DCAF5: variants seen among roughly 807,000 people sequenced by gnomAD.
DCAF5 encodes the protein DDB1 and CUL4 associated factor 5, also known as DDB1- and CUL4-associated factor 5.
A neutral mutation model predicts 80.7 loss-of-function variants in DCAF5; 9 were observed. The observed-to-expected ratio is 0.11, with a 90% confidence interval of 0.07 to 0.19. The LOEUF is 0.19. Among genes scored for constraint, DCAF5 ranks in the 10% least tolerant of loss-of-function variants. The pLI is 1.00. For synonymous variants in DCAF5, 433 were observed against 461.9 expected, an observed-to-expected ratio of 0.94 and a Z score of 0.80; for missense variants, 842 against 1,205.7, an observed-to-expected ratio of 0.70 and a Z score of 4.47.
intron 5 of DCAF5, among the ~76,000 whole-genome samples, chr14:69,110,356 A>G (rs1595016470): frequency 7.3e-6 from 1 of 137,494 alleles, no homozygotes. Context: ...TGCAACCTCC[A>G]CCTCCTGGGT....
chr14:69,124,888 C>T (rs2040829773), intron 1 of DCAF5, among the ~76,000 whole-genome samples: 3 of 152,034 alleles, frequency 2.0e-5, no homozygotes, highest in Admixed American at 2.0e-4. Context: ...ATAAGTATTT[C>T]TCTATACTTA....
Position 69,054,040 on chromosome 14 carries a change from A to G in DCAF5, c.2646T>C (p.Asp882=). ...CACAGGCCATTTCAGACCCGCAACA[A>G]TCTTTGTGTAGGAGTGTCCCTGTCA... is the stretch of plus-strand genomic sequence containing the variant. ...SSLTGTLLHK[D]CCGSEMACET... is the part of the protein sequence containing the mutation. The change falls in exon 9 of 9, where the codon GAT becomes GAC. Residue 882 remains aspartate, a synonymous_variant. Transcript: ENST00000341516. 2.5e-6 allele frequency: 4 copies of G among 1,613,102 alleles called. No homozygotes were observed. Among genetic ancestry groups the G allele is most frequent in the Non-Finnish European group, 3.4e-6 (4 of 1,179,144 alleles).
chr14:69,130,000 C>T (rs761376353), intron 1 of DCAF5, among the ~76,000 whole-genome samples: 24 of 152,224 alleles, frequency 1.6e-4, no homozygotes, highest in Non-Finnish European at 3.4e-4. Flanking sequence ...CACATTGTGG[C>T]AGCAGCTTTG....
At chr14:69,106,652 G>GT (rs2040170497) in intron 5 of DCAF5, among the ~76,000 whole-genome samples, 1 of 152,104 alleles carries the variant, frequency 6.6e-6, no homozygotes, top group Non-Finnish European at 1.5e-5. Context: ...GATTACAGGC[G>GT]TGAGCCACTG....
At chr14:69,104,632 G>T (rs1026790218) in intron 5 of DCAF5, among the ~76,000 whole-genome samples, 3 of 152,032 alleles carry the variant, frequency 2.0e-5, no homozygotes, top group African/African-American at 7.2e-5. Context: ...GAGGTGGGTG[G>T]ATCACTTGAG....
In DCAF5 at chr14:69,128,801, A is replaced by G. The variant is rs563874270; in HGVS notation, c.215-6441T>C. 2.6e-5 allele frequency among the ~76,000 whole-genome samples: 4 copies of G among 152,008 alleles called. No individual in the cohort carries two copies. In the East Asian group the frequency reaches 5.8e-4, roughly 22 times the overall value. On this transcript the variant is annotated intron_variant, in intron 1 of 8. Coordinates refer to ENST00000341516, the MANE Select transcript of DCAF5 (RefSeq NM_003861.3). Reference sequence around the variant, plus strand: ...CAACAACAAAAAAACCAAAAACAGAATATCTGCCAGGCCCAGTGGCTCATG... The same window carrying G: ...CAACAACAAAAAAACCAAAAACAGAGTATCTGCCAGGCCCAGTGGCTCATG...
At chr14:69,105,920 T>TAG (rs1595007470) in intron 5 of DCAF5, among the ~76,000 whole-genome samples, 1 of 72,746 alleles carries the variant, frequency 1.4e-5, no homozygotes, top group African/African-American at 6.3e-5. Context: ...CTGTCATATA[T>TAG]ATATATATAT....
intron 2 of DCAF5, among the ~76,000 whole-genome samples, chr14:69,119,847 G>A (rs2040660243): frequency 6.6e-6 from 1 of 152,072 alleles, no homozygotes. Context: ...CATGAGACCT[G>A]CAATAAAATC....
Position 69,053,855 on chromosome 14 carries a change from TATC to T in DCAF5, c.2828_*1del, listed in dbSNP as rs1220741193. The T allele has an allele frequency of 6.3e-7, 1 of 1,593,624 alleles. No homozygotes were observed. Among genetic ancestry groups the T allele is most frequent in the Non-Finnish European group, 8.5e-7 (1 of 1,175,180 alleles). On this transcript the variant is annotated stop_retained_variant and 3_prime_UTR_variant, in exon 9 of 9. Coordinates refer to ENST00000341516, the MANE Select transcript of DCAF5 (RefSeq NM_003861.3). ...TAGCTTTTTGTTTTCCCTTTGTATT[TATC>T]ATGTTTTTAATTTCTTCTCTGAGGA...
intron 5 of DCAF5, among the ~76,000 whole-genome samples, chr14:69,116,106 T>C (rs1377702724): frequency 6.6e-6 from 1 of 152,108 alleles, no homozygotes; most frequent in East Asian, 1.9e-4. Context: ...ATGCTCTGAC[T>C]ACTTCAGATA....
At chr14:69,083,971 G>C (rs2039217475) in intron 6 of DCAF5, 2 of 781,260 alleles carry the variant, frequency 2.6e-6, no homozygotes, top group Non-Finnish European at 4.8e-6. Flanking sequence ...AAAGAAATGG[G>C]TTTTACAAAC....
chr14:69,138,743 C>G (rs1444951927), intron 1 of DCAF5, among the ~76,000 whole-genome samples: 1 of 152,194 alleles, frequency 6.6e-6, no homozygotes, highest in African/African-American at 2.4e-5. Flanking sequence ...TTAGTCCTTT[C>G]CAGCAACAAA....
chr14:69,072,504 A>G (rs2038729639), intron 7 of DCAF5, among the ~76,000 whole-genome samples: 1 of 151,684 alleles, frequency 6.6e-6, no homozygotes, highest in Non-Finnish European at 1.5e-5. Context: ...GATACTTGGG[A>G]GGCTTAGGCA....
At chr14:69,101,723 A>G (rs1163547732) in intron 5 of DCAF5, among the ~76,000 whole-genome samples, 1 of 152,208 alleles carries the variant, frequency 6.6e-6, no homozygotes, top group African/African-American at 2.4e-5. Context: ...AGCCTACTAC[A>G]CACCCCAGCT....
At chr14:69,058,497 T>C (rs909555035) in intron 8 of DCAF5, among the ~76,000 whole-genome samples, 2 of 150,494 alleles carry the variant, frequency 1.3e-5, no homozygotes, top group Non-Finnish European at 3.0e-5. Context: ...CCAGCTTGGG[T>C]GACAAGAGCG....
At chr14:69,131,897 C>T (rs915830984) in intron 1 of DCAF5, among the ~76,000 whole-genome samples, 2 of 152,092 alleles carry the variant, frequency 1.3e-5, no homozygotes, top group Non-Finnish European at 2.9e-5. Context: ...TGACAACTGC[C>T]ATTCTCCCCC....
At chr14:69,105,826 C>T (rs1280196264) in intron 5 of DCAF5, among the ~76,000 whole-genome samples, 1 of 147,838 alleles carries the variant, frequency 6.8e-6, no homozygotes, top group East Asian at 2.1e-4. Context: ...GAACTGACCA[C>T]TCTACTGGCT....
At chr14:69,100,335 T>C (rs2039905180) in intron 5 of DCAF5, among the ~76,000 whole-genome samples, 1 of 152,184 alleles carries the variant, frequency 6.6e-6, no homozygotes, top group Non-Finnish European at 1.5e-5. Flanking sequence ...AGTATGAGAA[T>C]AGGGAATTTA....
intron 6 of DCAF5, among the ~76,000 whole-genome samples, chr14:69,088,092 C>T (rs1425762850): frequency 6.6e-6 from 1 of 152,168 alleles, no homozygotes; most frequent in Non-Finnish European, 1.5e-5. Flanking sequence ...TGTACAGAAG[C>T]TGGCCCATTT....
Sources: allele counts gnomAD v4.1 joint callset (sites outside exome capture counted in the v4.1 genomes callset), GRCh38; gene constraint gnomAD v4.1.1; transcripts MANE v1.5; gene names NCBI Gene and HGNC (gene_info 2026-07-23, HGNC 2026-07-21).